MGAT4C: variants seen among roughly 807,000 people sequenced by gnomAD.
MGAT4C encodes MGAT4 family member C, also known as alpha-1,3-mannosyl-glycoprotein 4-beta-N-acetylglucosaminyltransferase C.
A neutral mutation model predicts 40.1 loss-of-function variants in MGAT4C; 19 were observed. That is an observed-to-expected ratio of 0.47 (90% CI 0.33 to 0.70). The LOEUF (loss-of-function observed/expected upper bound fraction) is 0.70, where lower values mean the gene tolerates loss of function less well. Ranked by LOEUF, MGAT4C falls within the 30% of genes least tolerant of loss-of-function variation. The pLI, the probability that MGAT4C is intolerant of heterozygous loss-of-function variation, is 0.02. For synonymous variants in MGAT4C, 181 were observed against 187.1 expected, an observed-to-expected ratio of 0.97 and a Z score of 0.27; for missense variants, 491 against 563.2, an observed-to-expected ratio of 0.87 and a Z score of 1.30.
intron 1 of MGAT4C, among the ~76,000 whole-genome samples, chr12:86,802,230 G>A (rs557003885): frequency 6.6e-6 from 1 of 151,970 alleles, no homozygotes; most frequent in Non-Finnish European, 1.5e-5. Flanking sequence ...CAGTACCTGG[G>A]TTAAATGGGA....
chr12:86,664,805 C>T (rs1235239216), intron 2 of MGAT4C, among the ~76,000 whole-genome samples: 2 of 152,014 alleles, frequency 1.3e-5, no homozygotes, highest in Non-Finnish European at 2.9e-5. Flanking sequence ...AAAACAATTC[C>T]GGTTTCTGCT....
rs916471257 is a variant in MGAT4C, at chr12:85,965,813, C to T, written c.*13476G>A. Reference sequence around the variant, plus strand: ...TCTGTCCAAGTCTCTGAGTCATGTACAGAACTCAAATTATTACATCATTTT... The same window carrying T: ...TCTGTCCAAGTCTCTGAGTCATGTATAGAACTCAAATTATTACATCATTTT... On this transcript the variant is annotated 3_prime_UTR_variant, in exon 5 of 5. Coordinates refer to ENST00000611864, the MANE Select transcript of MGAT4C (RefSeq NM_001351288.2). The T allele has an allele frequency of 2.6e-5, 4 of 151,978 alleles. No individual in the cohort carries two copies. The highest frequency in any genetic ancestry group is 4.8e-5 in the African/African-American group (2 of 41,384). 9.4% of individuals were successfully genotyped at this position (151,978 alleles called of 1,614,324 possible).
intron 1 of MGAT4C, among the ~76,000 whole-genome samples, chr12:86,769,204 C>CGTG (rs1951580148): frequency 2.0e-5 from 3 of 151,958 alleles, no homozygotes; most frequent in East Asian, 1.9e-4. Flanking sequence ...AAAAATTGGC[C>CGTG]AAGGACATGA....
intron 1 of MGAT4C, among the ~76,000 whole-genome samples, chr12:86,810,578 G>A (rs1313249956): frequency 6.6e-6 from 1 of 151,680 alleles, no homozygotes. Context: ...TTGTGTCAAT[G>A]GATATGATCA....
chr12:86,079,146 A>C (rs564542363), intron 1 of MGAT4C, among the ~76,000 whole-genome samples: 3 of 152,182 alleles, frequency 2.0e-5, no homozygotes, highest in Non-Finnish European at 4.4e-5. Flanking sequence ...TGGTGGCAGC[A>C]GGTGGAATGC....
intron 1 of MGAT4C, among the ~76,000 whole-genome samples, chr12:86,104,984 G>A (rs1408736575): frequency 6.6e-6 from 1 of 151,876 alleles, no homozygotes; most frequent in Non-Finnish European, 1.5e-5. Context: ...ACTATCCGTG[G>A]TACTAAATTT....
At chr12:86,171,288 G>T (rs934775779) in intron 1 of MGAT4C, among the ~76,000 whole-genome samples, 1 of 152,114 alleles carries the variant, frequency 6.6e-6, no homozygotes, top group Non-Finnish European at 1.5e-5. Flanking sequence ...AGAATCGCTT[G>T]AACCCAGGAG....
rs967347093 is a variant in MGAT4C at position 86,286,709 on chromosome 12, T to C, written c.-57+47356A>G. 2.0e-5 allele frequency among the ~76,000 whole-genome samples: 3 copies of C among 152,072 alleles called. No homozygotes were observed. The East Asian group carries it at 5.8e-4, about 29-fold the overall frequency. ...TCCAGGTAATAAGCATAGTACACAATAGGCCATTTTTCTATTCTCATTCCC... is the reference window on the plus strand; with the variant it reads ...TCCAGGTAATAAGCATAGTACACAACAGGCCATTTTTCTATTCTCATTCCC... On this transcript the variant is annotated intron_variant, in intron 4 of 7. Transcript: ENST00000548651.
At chr12:86,050,080 C>A (rs1447820730) in intron 1 of MGAT4C, among the ~76,000 whole-genome samples, 3 of 151,832 alleles carry the variant, frequency 2.0e-5, no homozygotes, top group Non-Finnish European at 4.4e-5. Context: ...TATAATATTC[C>A]ACTTAAGCAT....
intron 1 of MGAT4C, among the ~76,000 whole-genome samples, chr12:86,065,534 A>G (rs1894453602): frequency 6.6e-6 from 1 of 152,184 alleles, no homozygotes. Context: ...AACTCTCAAT[A>G]AACTAGGTAT....
intron 2 of MGAT4C, among the ~76,000 whole-genome samples, chr12:86,642,093 T>C (rs1243913098): frequency 6.6e-6 from 1 of 151,878 alleles, no homozygotes; most frequent in Admixed American, 6.6e-5. Flanking sequence ...TGTGTAGTTG[T>C]GGCATTATTG....
chr12:86,033,286 C>G (rs1221368319), intron 2 of MGAT4C, among the ~76,000 whole-genome samples: 1 of 149,230 alleles, frequency 6.7e-6, no homozygotes, highest in Non-Finnish European at 1.5e-5. Context: ...ATAGTTTTCC[C>G]CCCTTAGTTT....
chr12:86,012,838 G>A (rs1487617887), intron 2 of MGAT4C, among the ~76,000 whole-genome samples: 1 of 148,130 alleles, frequency 6.8e-6, no homozygotes, highest in Non-Finnish European at 1.5e-5. Flanking sequence ...CCACCTGGGT[G>A]GTGGGCCTGG....
At chr12:86,828,054 C>A (rs1952841888) in intron 1 of MGAT4C, among the ~76,000 whole-genome samples, 1 of 150,802 alleles carries the variant, frequency 6.6e-6, no homozygotes, top group Admixed American at 6.6e-5. Context: ...CTAACTTGAG[C>A]TTTCACTTAG....
intron 4 of MGAT4C, among the ~76,000 whole-genome samples, chr12:86,305,898 G>C (rs187408795): frequency 1.3e-5 from 2 of 150,388 alleles, no homozygotes; most frequent in Non-Finnish European, 2.9e-5. Context: ...ATATGGAGGG[G>C]TGACTGCACT....
At chr12:86,405,289 G>C (rs1956441939) in intron 3 of MGAT4C, among the ~76,000 whole-genome samples, 1 of 151,926 alleles carries the variant, frequency 6.6e-6, no homozygotes, top group Non-Finnish European at 1.5e-5. Context: ...ACTAATAAGT[G>C]AGTACAGAAC....
intron 1 of MGAT4C, among the ~76,000 whole-genome samples, chr12:86,217,184 T>C (rs2135976526): frequency 6.6e-6 from 1 of 152,226 alleles, no homozygotes; most frequent in South Asian, 2.1e-4. Flanking sequence ...TATTTATTTA[T>C]TTATTTTTGA....
At chr12:86,751,326 T>G (rs1226315985) in intron 1 of MGAT4C, among the ~76,000 whole-genome samples, 2 of 152,048 alleles carry the variant, frequency 1.3e-5, no homozygotes, top group Non-Finnish European at 2.9e-5. Context: ...CATTTTTTCT[T>G]GATTTCTTAT....
intron 1 of MGAT4C, among the ~76,000 whole-genome samples, chr12:86,128,244 T>TGATA (rs1880614404): frequency 6.6e-6 from 1 of 152,194 alleles, no homozygotes; most frequent in South Asian, 2.1e-4. Flanking sequence ...ATGCAACACA[T>TGATA]GATAATATGG....
Sources: allele counts gnomAD v4.1 joint callset (sites outside exome capture counted in the v4.1 genomes callset), GRCh38; gene constraint gnomAD v4.1.1; transcripts MANE v1.5; gene names NCBI Gene and HGNC (gene_info 2026-07-23, HGNC 2026-07-21).